CLVS1: variants seen among roughly 807,000 people sequenced by gnomAD.
CLVS1 encodes the protein clavesin 1.
A neutral mutation model predicts 33.1 loss-of-function variants in CLVS1; 10 were observed. The observed-to-expected ratio is 0.30, with a 90% CI of 0.19 to 0.51. The LOEUF (loss-of-function observed/expected upper bound fraction) is 0.51. Ranked by LOEUF, CLVS1 falls within the 20% of genes least tolerant of loss-of-function variation. CLVS1 has a pLI of 0.97. For missense variants in CLVS1, 343 were observed against 433.4 expected (o/e 0.79, Z 1.85); for synonymous variants, 163 against 166.1 (o/e 0.98, Z 0.14).
intron 2 of CLVS1, among the ~76,000 whole-genome samples, chr8:61,359,917 G>T (rs1270128755): frequency 6.6e-6 from 1 of 152,092 alleles, no homozygotes; most frequent in Non-Finnish European, 1.5e-5. Context: ...CATTTGAGTT[G>T]CCAGCTGCTG....
At chr8:61,034,705 T>C in the CLVS1 span, among the ~76,000 whole-genome samples, 3 of 152,186 alleles carry the variant, frequency 2.0e-5, no homozygotes, top group Admixed American at 6.5e-5. Context: ...GGAACAACTT[T>C]GAGTAAAACT....
chr8:61,091,142 C>T (rs1202066791), intron 1 of CLVS1, among the ~76,000 whole-genome samples: 3 of 152,138 alleles, frequency 2.0e-5, no homozygotes, highest in Non-Finnish European at 2.9e-5. Context: ...TCACAATGGT[C>T]CTTACAGGAG....
chr8:60,978,056 T>G, the CLVS1 span, among the ~76,000 whole-genome samples: 1 of 152,224 alleles, frequency 6.6e-6, no homozygotes, highest in African/African-American at 2.4e-5. Flanking sequence ...CTAGCAAAAC[T>G]ATCTTTTAAG....
chr8:61,257,584 G>A (rs1809112350), intron 2 of CLVS1, among the ~76,000 whole-genome samples: 1 of 152,174 alleles, frequency 6.6e-6, no homozygotes, highest in African/African-American at 2.4e-5. Flanking sequence ...TGAAAAACCA[G>A]TAAGATCTGT....
At chr8:61,415,395 A>C (rs913193104) in intron 3 of CLVS1, among the ~76,000 whole-genome samples, 1 of 152,244 alleles carries the variant, frequency 6.6e-6, no homozygotes, top group Non-Finnish European at 1.5e-5. Flanking sequence ...TTTTGCAGTA[A>C]TCAACTTGTG....
At chr8:61,481,940 C>T (rs1165191387) in intron 5 of CLVS1, among the ~76,000 whole-genome samples, 1 of 152,232 alleles carries the variant, frequency 6.6e-6, no homozygotes, top group Non-Finnish European at 1.5e-5. Flanking sequence ...AACTGGGAGA[C>T]ATCTCCCAGT....
At chr8:60,984,253 A>G in the CLVS1 span, among the ~76,000 whole-genome samples, 3 of 151,966 alleles carry the variant, frequency 2.0e-5, no homozygotes, top group East Asian at 5.8e-4. Flanking sequence ...TATTGTCTTT[A>G]ACTGCTTGTC....
chr8:61,246,351 G>A (rs1171293388), intron 2 of CLVS1, among the ~76,000 whole-genome samples: 3 of 150,830 alleles, frequency 2.0e-5, no homozygotes, highest in Non-Finnish European at 4.4e-5. Flanking sequence ...TGCATTTTTA[G>A]TAGAGATGGG....
Position 61,499,493 on chromosome 8 carries a change from A to C in CLVS1, c.1016A>C (p.Glu339Ala), listed in dbSNP as rs745760518. ...GTAGAAGCTGGGACCCTGAAACATGAGGAGAAGGGAGAGAATGAGAACACC... is the reference window on the plus strand; with the variant it reads ...GTAGAAGCTGGGACCCTGAAACATGCGGAGAAGGGAGAGAATGAGAACACC... The part of the protein sequence containing the change: ...SVVEAGTLKH[E>A]EKGENENTQP... Residue 339 changes from glutamate to alanine, a missense_variant, in exon 6 of 6, where the codon GAG becomes GCG. Glu to Ala is a moderately radical substitution (Grantham distance 107). Around this residue, in one of 4 missense-constraint regions of CLVS1, gnomAD observed 86 missense variants for 95.0 expected, o/e 0.91. Transcript: ENST00000325897. 2 of 1,587,126 alleles carry C rather than the reference A, an allele frequency of 1.3e-6. No individual in the cohort carries two copies. The highest frequency in any genetic ancestry group is 2.2e-5 in the South Asian group (2 of 90,928).
the CLVS1 span, among the ~76,000 whole-genome samples, chr8:61,039,388 C>T: frequency 3.3e-5 from 5 of 152,168 alleles, no homozygotes; most frequent in African/African-American, 1.2e-4. Context: ...TACAGTCAAG[C>T]TATGGGGCCT....
chr8:61,380,676 A>C (rs1813837444), intron 3 of CLVS1, among the ~76,000 whole-genome samples: 1 of 152,166 alleles, frequency 6.6e-6, no homozygotes, highest in Non-Finnish European at 1.5e-5. Context: ...AATTTGTTTA[A>C]ATTTTAATCA....
chr8:61,349,765 T>C (rs6993580), intron 2 of CLVS1, among the ~76,000 whole-genome samples: 1 of 151,978 alleles, frequency 6.6e-6, no homozygotes, highest in Non-Finnish European at 1.5e-5. Flanking sequence ...TCAGAAATAG[T>C]AATCCAGAAT....
At chr8:61,261,520 G>C (rs944400047) in intron 2 of CLVS1, among the ~76,000 whole-genome samples, 1 of 151,984 alleles carries the variant, frequency 6.6e-6, no homozygotes, top group Admixed American at 6.6e-5. Flanking sequence ...TGTTTTTGTC[G>C]CCCCACCCCA....
At chr8:61,492,051 T>C (rs558589927) in intron 5 of CLVS1, among the ~76,000 whole-genome samples, 8 of 152,270 alleles carry the variant, frequency 5.3e-5, no homozygotes, top group African/African-American at 1.9e-4. Context: ...TGACAGACAC[T>C]GATGTTGTCA....
chr8:61,056,458 A>G (rs545894092), upstream of CLVS1, among the ~76,000 whole-genome samples: 1 of 152,162 alleles, frequency 6.6e-6, no homozygotes, highest in Non-Finnish European at 1.5e-5. Context: ...TTTCTTGTAA[A>G]TCATTGGAAA....
chr8:61,396,815 C>A (rs1190897701), intron 3 of CLVS1, among the ~76,000 whole-genome samples: 1 of 152,158 alleles, frequency 6.6e-6, no homozygotes, highest in African/African-American at 2.4e-5. Context: ...TAACTGGCTT[C>A]TTTCTCTCAG....
intron 2 of CLVS1, among the ~76,000 whole-genome samples, chr8:61,275,691 G>A (rs755411391): frequency 9.2e-5 from 14 of 152,192 alleles, no homozygotes; most frequent in Admixed American, 2.0e-4. Flanking sequence ...TGCTCATTTC[G>A]CGCAATGAAG....
the CLVS1 span, among the ~76,000 whole-genome samples, chr8:61,006,807 T>C: frequency 1.3e-5 from 2 of 152,228 alleles, no homozygotes; most frequent in African/African-American, 2.4e-5. Context: ...TGCCCTTCTG[T>C]AGTGCTGCTA....
chr8:61,376,800 A>G (rs1366103613), intron 3 of CLVS1, 21 bp downstream of exon 3: 2 of 1,582,312 alleles, frequency 1.3e-6, no homozygotes, highest in Non-Finnish European at 1.7e-6. Context: ...TGAATGCGCA[A>G]TACAAGACCA....
Sources: allele counts gnomAD v4.1 joint callset (sites outside exome capture counted in the v4.1 genomes callset), GRCh38; gene constraint gnomAD v4.1.1; regional missense constraint gnomAD v4.1.1; transcripts MANE v1.5; gene names NCBI Gene and HGNC (gene_info 2026-07-23, HGNC 2026-07-21).